Variants in PREP observed in about 807,000 individuals in gnomAD.
PREP encodes the protein prolyl endopeptidase, also known as dJ355L5.1 (prolyl endopeptidase).
A neutral mutation model predicts 87.6 loss-of-function variants in PREP; 29 were observed. The observed-to-expected ratio is 0.33, with a 90% CI of 0.25 to 0.45. The LOEUF is 0.45. Ranked by LOEUF, PREP falls within the 20% of genes least tolerant of loss-of-function variation. PREP has a pLI of 1.00. For synonymous variants in PREP, 337 were observed against 328.6 expected (o/e 1.03, Z -0.28); for missense variants, 695 against 886.5 (o/e 0.78, Z 2.74).
intron 14 of PREP, among the ~76,000 whole-genome samples, chr6:105,279,785 A>G (rs1246278185): frequency 6.6e-6 from 1 of 152,204 alleles, no homozygotes; most frequent in South Asian, 2.1e-4. Flanking sequence ...TCATGGAGAA[A>G]AATATTTAGA....
chr6:105,356,156 C>A (rs1486835142), intron 6 of PREP, among the ~76,000 whole-genome samples: 1 of 151,820 alleles, frequency 6.6e-6, no homozygotes, highest in Non-Finnish European at 1.5e-5. Flanking sequence ...GTCTGGATTT[C>A]TTTTATTTTC....
At chr6:105,301,869 G>A (rs1376450572) in intron 10 of PREP, among the ~76,000 whole-genome samples, 1 of 152,158 alleles carries the variant, frequency 6.6e-6, no homozygotes. Context: ...GGAATAATAC[G>A]CCTTTTCCCA....
chr6:105,327,022 T>C (rs1230705671), intron 9 of PREP, among the ~76,000 whole-genome samples: 2 of 152,220 alleles, frequency 1.3e-5, no homozygotes, highest in Admixed American at 6.5e-5. Flanking sequence ...GTTCCTGACA[T>C]AAATGGTCAC....
In PREP at chr6:105,328,940, T is replaced by C. The variant is rs898901116; in HGVS notation, c.1102A>G (p.Thr368Ala). 6.2e-7 allele frequency: 1 copy of C among 1,614,124 alleles called. No individual in the cohort carries two copies. The highest frequency in any genetic ancestry group is 8.5e-7 in the Non-Finnish European group (1 of 1,180,006). Residue 368 changes from threonine to alanine, a missense_variant, in exon 9 of 15, where the codon ACT (threonine) becomes GCT (alanine). By Grantham distance (58) the Thr-to-Ala change is moderately conservative. This residue lies in a region of PREP where 517 missense variants were observed against 620.3 expected (regional missense o/e 0.83). Coordinates refer to ENST00000652536, the MANE Select transcript of PREP (RefSeq NM_002726.5). ...GGGAAGGTCTTAAGGAGAGCACCAG[T>C]AGTCAGGTCATGGAGCTGCAGAATG... is the stretch of plus-strand genomic sequence containing the variant. ...KNILQLHDLT[T>A]GALLKTFPLD...
At chr6:105,301,206 T>C (rs955776150) in intron 10 of PREP, among the ~76,000 whole-genome samples, 1 of 152,250 alleles carries the variant, frequency 6.6e-6, no homozygotes, top group African/African-American at 2.4e-5. Flanking sequence ...TAGCAACTCC[T>C]GCCTAATTTT....
chr6:105,292,189 G>GTTCTTCATTCATTCTA (rs1770310748), intron 10 of PREP, among the ~76,000 whole-genome samples: 2 of 152,122 alleles, frequency 1.3e-5, no homozygotes, highest in South Asian at 4.2e-4. Context: ...TATCTAGAAT[G>GTTCTTCATTCATTCTA]GTGAATCCTT....
intron 2 of PREP, among the ~76,000 whole-genome samples, chr6:105,389,809 A>C (rs1740139594): frequency 6.6e-6 from 1 of 152,120 alleles, no homozygotes; most frequent in Non-Finnish European, 1.5e-5. Context: ...CCTAGGCTAG[A>C]CCGACACCGA....
At chr6:105,354,187 C>A (rs1430359061) in intron 6 of PREP, among the ~76,000 whole-genome samples, 3 of 152,124 alleles carry the variant, frequency 2.0e-5, no homozygotes, top group Non-Finnish European at 4.4e-5. Flanking sequence ...ATTAGTTGAT[C>A]CATCATCCTA....
At chr6:105,400,296 T>C (rs1773393105) in intron 1 of PREP, among the ~76,000 whole-genome samples, 1 of 152,206 alleles carries the variant, frequency 6.6e-6, no homozygotes, top group African/African-American at 2.4e-5. Context: ...TTACTTGTAC[T>C]GTTCAACAAC....
chr6:105,346,488 C>T (rs1007894941), intron 7 of PREP, among the ~76,000 whole-genome samples: 1 of 152,180 alleles, frequency 6.6e-6, no homozygotes, highest in African/African-American at 2.4e-5. Flanking sequence ...ATGGTAGGTA[C>T]TGAATACTTT....
chr6:105,346,582 G>A lies in PREP; in HGVS notation c.823+6390C>T, dbSNP rs554200244. 3.9e-5 allele frequency among the ~76,000 whole-genome samples: 6 copies of A among 152,298 alleles called. No homozygotes were observed. The East Asian group carries it at 9.6e-4, about 24-fold the overall frequency. ...GAAAGTCTGGGCAAATCCCAGGTAA[G>A]CTGATATTTCCTTATAGAAATCAGC... is the stretch of plus-strand genomic sequence containing the variant. On this transcript the variant is annotated intron_variant, in intron 7 of 14. Coordinates refer to ENST00000652536, the MANE Select transcript of PREP (RefSeq NM_002726.5).
Position 105,276,659 on chromosome 6 carries a change from T to A in PREP, c.*1485A>T, listed in dbSNP as rs1190154. Among the ~76,000 whole-genome samples, 29,496 of 152,170 alleles carry A rather than the reference T, an allele frequency of 0.19. 3,542 individuals are homozygous for A. Among genetic ancestry groups the A allele is most frequent in the African/African-American group, 0.35 (14,539 of 41,492 alleles). On this transcript the variant is annotated 3_prime_UTR_variant, in exon 15 of 15. Transcript: ENST00000652536. ...GTTTCCAGAGGAGTTATGGTGAATCTTATACTCAATGACAACTGTATTATG... is the reference window on the plus strand; with the variant it reads ...GTTTCCAGAGGAGTTATGGTGAATCATATACTCAATGACAACTGTATTATG...
chr6:105,317,190 T>G (rs1770895324), intron 10 of PREP, among the ~76,000 whole-genome samples: 1 of 152,054 alleles, frequency 6.6e-6, no homozygotes, highest in Admixed American at 6.6e-5. Context: ...ACTTTTGGTC[T>G]CAAGTGATCT....
At chr6:105,367,417 G>A (rs941323631) in intron 6 of PREP, among the ~76,000 whole-genome samples, 4 of 152,142 alleles carry the variant, frequency 2.6e-5, no homozygotes, top group African/African-American at 9.6e-5. Context: ...GAAAAGGCAT[G>A]AAAAACGGAC....
At chr6:105,289,967 G>A (rs977086325) in intron 10 of PREP, among the ~76,000 whole-genome samples, 1 of 152,108 alleles carries the variant, frequency 6.6e-6, no homozygotes, top group Non-Finnish European at 1.5e-5. Context: ...GAGGGGGAGA[G>A]TGGCAGGGAT....
intron 11 of PREP, among the ~76,000 whole-genome samples, chr6:105,288,100 C>T (rs1770223712): frequency 3.9e-5 from 6 of 152,166 alleles, no homozygotes; most frequent in Admixed American, 3.9e-4. Context: ...GAAGAGAATA[C>T]TGAAGGTAGT....
rs1025676917 is a variant in PREP, at chr6:105,398,004, A to G, written c.46-77T>C. ...AACTGGTATTTTTTTAATGTAATGG[A>G]GAAATAGGAAAGGGATGGACAAAAA... On this transcript the variant is annotated intron_variant, in intron 1 of 14. Transcript: ENST00000652536. The G allele has an allele frequency of 6.0e-6, 7 of 1,162,448 alleles. No homozygotes were observed. In the African/African-American group the frequency reaches 9.2e-5, roughly 15 times the overall value. 72.0% of individuals were successfully genotyped at this position (1,162,448 alleles called of 1,614,324 possible).
chr6:105,351,740 T>C (rs1305288789), intron 7 of PREP, among the ~76,000 whole-genome samples: 3 of 152,232 alleles, frequency 2.0e-5, no homozygotes, highest in Non-Finnish European at 2.9e-5. Flanking sequence ...CTCAGTTCTA[T>C]GAAGACCTAT....
In PREP at chr6:105,328,821, A is replaced by G. The variant is rs1771240901; in HGVS notation, c.1213+8T>C. Reference sequence around the variant, plus strand: ...TAAAGTGAACAGCAACAGTGAAAAAACACTTACCTGGAGATAAAAAGGAAG... The same window carrying G: ...TAAAGTGAACAGCAACAGTGAAAAAGCACTTACCTGGAGATAAAAAGGAAG... On this transcript the variant is annotated splice_region_variant and intron_variant, in intron 9 of 14. Transcript: ENST00000652536. 1.9e-6 allele frequency: 3 copies of G among 1,613,478 alleles called. No homozygotes were observed. Among genetic ancestry groups the G allele is most frequent in the Non-Finnish European group, 2.5e-6 (3 of 1,179,550 alleles).
Sources: gnomAD v4.1 joint callset for allele counts (sites outside exome capture counted in the v4.1 genomes callset) on GRCh38, gnomAD v4.1.1 for gene constraint, gnomAD v4.1.1 regional missense constraint, MANE v1.5 for transcripts, NCBI Gene and HGNC (gene_info 2026-07-23, HGNC 2026-07-21) for gene names.